KPNB1: variants seen among roughly 807,000 people sequenced by gnomAD.
KPNB1 encodes importin subunit beta-1.
Under a neutral mutation model 113.0 loss-of-function variants are expected in KPNB1, and 7 were observed. The ratio of observed to expected loss-of-function variants is 0.06; its 90% CI spans 0.04 to 0.12. KPNB1 has a LOEUF of 0.12. KPNB1 is among the 10% of genes least tolerant of loss of function. The pLI, the probability that KPNB1 is intolerant of heterozygous loss-of-function variation, is 1.00. For synonymous variants in KPNB1, 363 were observed against 378.6 expected (o/e 0.96, Z 0.48); for missense variants, 400 against 1,054.8 (o/e 0.38, Z 8.60).
At chr17:47,676,992 A>G (rs773532613) in intron 16 of KPNB1, 28 bp from the exon 17 acceptor site, 5 of 1,576,226 alleles carry the variant, frequency 3.2e-6, no homozygotes, top group Non-Finnish European at 3.5e-6. Context: ...CTTTTCTGTT[A>G]GAAGATTATT....
chr17:47,652,928 T>C, intron 3 of KPNB1, 52 bp downstream of exon 3: 1 of 1,397,392 alleles, frequency 7.2e-7, no homozygotes, highest in Non-Finnish European at 9.7e-7. Flanking sequence ...AAGAAATCGC[T>C]TTCTCAGATC....
chr17:47,679,399 G>GT (rs2030706224), intron 19 of KPNB1, among the ~76,000 whole-genome samples: 1 of 152,018 alleles, frequency 6.6e-6, no homozygotes, highest in South Asian at 2.1e-4. Flanking sequence ...CATAATTCCC[G>GT]TTACGTGTTC....
Position 47,682,521 on chromosome 17 carries a change from T to G in KPNB1, c.*117T>G. Reference sequence around the variant, plus strand: ...GAATGTTTGGGAATGAGAGGATGAGTGAGTGAGGCTTGAAAACACACCACA... The same window carrying G: ...GAATGTTTGGGAATGAGAGGATGAGGGAGTGAGGCTTGAAAACACACCACA... On this transcript the variant is annotated 3_prime_UTR_variant, in exon 22 of 22. Coordinates refer to ENST00000290158, the MANE Select transcript of KPNB1 (RefSeq NM_002265.6). 1 of 750,270 alleles carries G rather than the reference T, an allele frequency of 1.3e-6. No homozygotes were observed. Among genetic ancestry groups the G allele is most frequent in the Non-Finnish European group, 2.5e-6 (1 of 404,094 alleles). The allele number at this position is 750,270 out of a possible 1,614,324, so 46.5% of individuals were successfully genotyped here. A position where few individuals can be genotyped will look rare whatever the true frequency, so the allele number is the denominator to read the frequency against.
In KPNB1 at chr17:47,652,675, A is replaced by T; in HGVS notation, c.100-19A>T. 6.6e-7 allele frequency: 1 copy of T among 1,512,754 alleles called. No homozygotes were observed. The highest frequency in any genetic ancestry group is 1.3e-5 in the South Asian group (1 of 75,114). 93.7% of individuals were successfully genotyped at this position (1,512,754 alleles called of 1,614,324 possible). A position where few individuals can be genotyped will look rare whatever the true frequency, so the allele number is the denominator to read the frequency against. On this transcript the variant is annotated intron_variant, in intron 2 of 21. Coordinates refer to ENST00000290158, the MANE Select transcript of KPNB1 (RefSeq NM_002265.6). ...ATTCCTAAGATATTTTTATTTACAA[A>T]TTTATCTTCCCTTAACAGCCCACTT...
chr17:47,675,372 G>GTTTTTTTTTTTTTT (rs755565036), intron 15 of KPNB1, among the ~76,000 whole-genome samples: 10 of 86,092 alleles, frequency 1.2e-4, no homozygotes, highest in East Asian at 3.8e-4. Context: ...TTTTTTTTTT[G>GTTTTTTTTTTTTTT]TTTTTTTTTT....
At chr17:47,660,140 A>G (rs1267008802) in intron 5 of KPNB1, among the ~76,000 whole-genome samples, 2 of 152,324 alleles carry the variant, frequency 1.3e-5, no homozygotes, top group East Asian at 3.9e-4. Context: ...AGCCACTGGT[A>G]ACGACCATTT....
At chr17:47,651,211 A>C in intron 2 of KPNB1, 1 of 985,266 alleles carries the variant, frequency 1.0e-6, no homozygotes, top group Non-Finnish European at 1.2e-6. Context: ...AGGGGTCCGG[A>C]GAAAATGAAG....
chr17:47,650,449 G>A lies in KPNB1; in HGVS notation c.99+5G>A. The A allele has an allele frequency of 6.3e-7, 1 of 1,588,818 alleles. No individual in the cohort carries two copies. The highest frequency in any genetic ancestry group is 8.6e-7 in the Non-Finnish European group (1 of 1,168,038). On this transcript the variant is annotated splice_donor_5th_base_variant and intron_variant, in intron 2 of 21. Transcript: ENST00000290158. ...CGTGCGGCCGTGGAGAACCTGGTGC[G>A]TGCTACCCCGCCGCGCCCATCCCGC...
intron 3 of KPNB1, among the ~76,000 whole-genome samples, chr17:47,654,045 G>A (rs1915652218): frequency 6.6e-6 from 1 of 152,102 alleles, no homozygotes; most frequent in Non-Finnish European, 1.5e-5. Flanking sequence ...CTAGTAAATG[G>A]GATAAGATGT....
At chr17:47,682,116 A>T (rs998961212) in intron 21 of KPNB1, among the ~76,000 whole-genome samples, 2 of 152,232 alleles carry the variant, frequency 1.3e-5, no homozygotes, top group Non-Finnish European at 2.9e-5. Flanking sequence ...GGCTTGAGCC[A>T]CTGCACCCAG....
intron 1 of KPNB1, 23 bp from the exon 2 acceptor site, chr17:47,650,363 G>A (rs1915501165): frequency 1.2e-6 from 2 of 1,611,330 alleles, no homozygotes; most frequent in African/African-American, 1.3e-5. Flanking sequence ...ACCCCGCTCC[G>A]TCTCCCACTT....
Position 47,676,502 on chromosome 17 carries a change from C to G in KPNB1, c.1995+11C>G. On this transcript the variant is annotated intron_variant, in intron 16 of 21. Transcript: ENST00000290158. ...TATGCTGAATACCAGGTAGGATGTGCTTTTCAAAATAGTATGTTCCCATTT... is the reference window on the plus strand; with the variant it reads ...TATGCTGAATACCAGGTAGGATGTGGTTTTCAAAATAGTATGTTCCCATTT... The G allele has an allele frequency of 2.5e-6, 4 of 1,592,988 alleles. No homozygotes were observed. Among genetic ancestry groups the G allele is most frequent in the Non-Finnish European group, 3.4e-6 (4 of 1,160,820 alleles).
chr17:47,650,277 G>A lies in KPNB1; in HGVS notation c.33G>A (p.Val11=). The A allele has an allele frequency of 6.2e-7, 1 of 1,604,032 alleles. No individual in the cohort carries two copies. Among genetic ancestry groups the A allele is most frequent in the South Asian group, 1.1e-5 (1 of 90,504 alleles). Reference sequence around the variant, plus strand: ...TGATCACCATTCTCGAGAAGACCGTGTCTCCCGGTAGGACGCAGGAGCCGG... The same window carrying A: ...TGATCACCATTCTCGAGAAGACCGTATCTCCCGGTAGGACGCAGGAGCCGG... The part of the protein sequence containing the change: MELITILEKT[V]SPDRLELEAA... Residue 11 remains valine (V), a synonymous_variant, in exon 1 of 22, where the codon GTG becomes GTA. Coordinates refer to ENST00000290158, the MANE Select transcript of KPNB1 (RefSeq NM_002265.6).
Position 47,674,627 on chromosome 17 carries a change from T to C in KPNB1, c.1768-11T>C. On this transcript the variant is annotated splice_polypyrimidine_tract_variant and intron_variant, in intron 14 of 21. Transcript: ENST00000290158. ...GAATCAACTGATCTTGAACTCTTAC[T>C]CATTTCACAGAATGTTCTTCGGAAA... The C allele has an allele frequency of 6.2e-7, 1 of 1,611,480 alleles. No homozygotes were observed. The highest frequency in any genetic ancestry group is 2.2e-5 in the East Asian group (1 of 44,846).
chr17:47,663,921 G>T (rs1262367643), intron 7 of KPNB1, among the ~76,000 whole-genome samples: 1 of 151,422 alleles, frequency 6.6e-6, no homozygotes, highest in Non-Finnish European at 1.5e-5. Flanking sequence ...GGAGGTGGAG[G>T]TTGCAGTAAG....
chr17:47,681,308 G>A (rs139789175), intron 21 of KPNB1, among the ~76,000 whole-genome samples: 23 of 139,016 alleles, frequency 1.7e-4, no homozygotes, highest in African/African-American at 5.7e-4. Context: ...TCGCTCTGTC[G>A]CCCAGGCTGG....
At chr17:47,678,434 C>G (rs754662152) in intron 19 of KPNB1, 21 bp downstream of exon 19, 5 of 1,559,288 alleles carry the variant, frequency 3.2e-6, no homozygotes, top group Non-Finnish European at 4.4e-6. Flanking sequence ...CAACCCAGTT[C>G]CCTTCGTCCG....
intron 3 of KPNB1, among the ~76,000 whole-genome samples, chr17:47,653,511 G>A (rs1418081073): frequency 6.6e-6 from 1 of 152,074 alleles, no homozygotes; most frequent in East Asian, 1.9e-4. Flanking sequence ...CAAAGTGCTG[G>A]GATTACAGGA....
intron 2 of KPNB1, among the ~76,000 whole-genome samples, chr17:47,650,762 G>T (rs1168677885): frequency 6.6e-6 from 1 of 152,148 alleles, no homozygotes; most frequent in Non-Finnish European, 1.5e-5. Context: ...GTTGCGCGGC[G>T]CTGCGTGTTC....
Sources: allele counts gnomAD v4.1 joint callset (sites outside exome capture counted in the v4.1 genomes callset), GRCh38; gene constraint gnomAD v4.1.1; transcripts MANE v1.5; gene names NCBI Gene and HGNC (gene_info 2026-07-23, HGNC 2026-07-21).